DET1: variants seen among roughly 807,000 people sequenced by gnomAD.
DET1 encodes the protein DET1 partner of COP1 E3 ubiquitin ligase, also known as DET1 homolog.
DET1 carries 22 observed loss-of-function variants against 43.7 expected under a neutral mutation model. The observed-to-expected ratio is 0.50, with a 90% confidence interval of 0.36 to 0.72. The LOEUF (loss-of-function observed/expected upper bound fraction) is 0.72. DET1 is among the 30% of genes least tolerant of loss of function. The probability of loss-of-function intolerance (pLI) is 0.00; values close to 1 mark genes in which losing one functional copy is unlikely to be tolerated. For synonymous variants in DET1, 315 were observed against 266.2 expected, an observed-to-expected ratio of 1.18 and a Z score of -1.79; for missense variants, 713 against 713.3, an observed-to-expected ratio of 1.00 and a Z score of 0.00.
chr15:88,506,430 A>ATT (rs35399927), intron 7 of DET1, among the ~76,000 whole-genome samples: 35 of 148,754 alleles, frequency 2.4e-4, no homozygotes, highest in African/African-American at 6.4e-4. Context: ...AGACTTCAGA[A>ATT]TTTTTTTTTT....
chr15:88,522,737 C>G (rs1358498620), intron 3 of DET1, among the ~76,000 whole-genome samples: 1 of 151,694 alleles, frequency 6.6e-6, no homozygotes, highest in Non-Finnish European at 1.5e-5. Context: ...CCAGGATGGT[C>G]TCCATCTCCT....
chr15:88,536,508 A>G (rs1176615336), intron 1 of DET1: 15 of 534,392 alleles, frequency 2.8e-5, no homozygotes. Flanking sequence ...GGCCGGGTGC[A>G]GTGGCTCACG....
intron 3 of DET1, among the ~76,000 whole-genome samples, chr15:88,525,503 C>A (rs78054295): frequency 0.012 from 1,789 of 152,292 alleles, 22 homozygotes; most frequent in Non-Finnish European, 0.02. Flanking sequence ...TAACTTCATT[C>A]ATTCAGCAAA....
chr15:88,531,551 A>T lies in DET1; in HGVS notation c.155T>A (p.Val52Asp), dbSNP rs1464854646. 3 of 1,613,894 alleles carry T rather than the reference A, an allele frequency of 1.9e-6. No individual in the cohort carries two copies. In the African/African-American group the frequency reaches 4.0e-5, roughly 22 times the overall value. ...FHQNVFPNFT[V>D]VNVEKPPCFL... ...ACAAGGAGGCTTTTCAACGTTGACA[A>T]CTGTGAAGTTGGGGAAGACATTCTG... is the stretch of plus-strand genomic sequence containing the variant. The change falls in exon 2 of 5, where the codon GTT (valine) becomes GAT (aspartate). Residue 52 changes from valine to aspartate, a missense_variant. Val to Asp is a radical substitution (Grantham distance 152). Coordinates refer to ENST00000268148, the MANE Select transcript of DET1 (RefSeq NM_001144074.3). The surrounding 1 kb of genome is among the most constrained non-coding windows in gnomAD (Gnocchi z 6.2).
chr15:88,514,588 T>C (rs1039189638), intron 4 of DET1, among the ~76,000 whole-genome samples: 18 of 152,188 alleles, frequency 1.2e-4, no homozygotes, highest in African/African-American at 4.1e-4. Flanking sequence ...GTACATCTAT[T>C]TGATAGAATA....
chr15:88,523,784 C>A lies in DET1; in HGVS notation c.1271+3815G>T, dbSNP rs866014544. Among the ~76,000 whole-genome samples the A allele has an allele frequency of 2.4e-4, 37 of 152,182 alleles. 1 individual carries two copies. Among genetic ancestry groups the A allele is most frequent in the Admixed American group, 2.4e-3 (37 of 15,280 alleles). On this transcript the variant is annotated intron_variant, in intron 3 of 4. Transcript: ENST00000268148. The stretch of plus-strand genomic sequence containing the variant: ...GGAGTGCAGTGGCGTGATCTCCGCT[C>A]GCTACAACCTCCACCTCCCAGCCGC...
chr15:88,527,484 G>C, intron 3 of DET1, 115 bp downstream of exon 3: 1 of 953,856 alleles, frequency 1.0e-6, no homozygotes, highest in Non-Finnish European at 1.5e-6. Context: ...ATAATAAGCA[G>C]AATAACCAAA....
chr15:88,508,004 A>G (rs1191004677), downstream of DET1, among the ~76,000 whole-genome samples: 1 of 152,150 alleles, frequency 6.6e-6, no homozygotes, highest in Non-Finnish European at 1.5e-5. Flanking sequence ...TTAGATTCTC[A>G]TAAGAGCGCA....
At chr15:88,524,199 C>T (rs1052602281) in intron 3 of DET1, among the ~76,000 whole-genome samples, 3 of 151,636 alleles carry the variant, frequency 2.0e-5, no homozygotes, top group Non-Finnish European at 1.5e-5. Context: ...GTGTCTCTGC[C>T]CCACCGCCAG....
chr15:88,544,350 T>A (rs2057190745), intron 1 of DET1, among the ~76,000 whole-genome samples: 1 of 152,214 alleles, frequency 6.6e-6, no homozygotes, highest in South Asian at 2.1e-4. Flanking sequence ...GCACCCTTTA[T>A]CAGGCTAGGT....
chr15:88,506,111 G>A (rs1471555213), intron 7 of DET1, among the ~76,000 whole-genome samples: 1 of 152,224 alleles, frequency 6.6e-6, no homozygotes, highest in Admixed American at 6.5e-5. Flanking sequence ...GATTTACAGA[G>A]AGGGGAGAAG....
At chr15:88,542,723 A>C (rs1410962302) in intron 1 of DET1, among the ~76,000 whole-genome samples, 1 of 152,220 alleles carries the variant, frequency 6.6e-6, no homozygotes, top group Non-Finnish European at 1.5e-5. Context: ...AAATCTTACT[A>C]ATGGCTATCC....
rs2056221527 is a variant in DET1, at chr15:88,512,553, ATG to A, written c.*396_*397del. The A allele has an allele frequency of 3.0e-6, 3 of 997,428 alleles. No individual in the cohort carries two copies. The highest frequency in any genetic ancestry group is 3.6e-6 in the Non-Finnish European group (3 of 837,754). 61.8% of individuals were successfully genotyped at this position (997,428 alleles called of 1,614,324 possible). ...CGTGCTTATGAGCTAAATGGAAAGG[ATG>A]TATGTCATTCTCATCAGTAAACAAG... On this transcript the variant is annotated 3_prime_UTR_variant, in exon 5 of 5. Coordinates refer to ENST00000268148, the MANE Select transcript of DET1 (RefSeq NM_001144074.3).
chr15:88,511,543 A>G, downstream of DET1: 2 of 985,524 alleles, frequency 2.0e-6, no homozygotes, highest in Non-Finnish European at 2.4e-6. Flanking sequence ...CTTCCACAGT[A>G]TATTTTTCTT....
chr15:88,532,301 TC>T (rs2056835921), intron 1 of DET1, among the ~76,000 whole-genome samples: 1 of 151,542 alleles, frequency 6.6e-6, no homozygotes, highest in Non-Finnish European at 1.5e-5. Flanking sequence ...AGACTCTATC[TC>T]AAACAAACAA....
intron 1 of DET1, among the ~76,000 whole-genome samples, chr15:88,540,792 C>A (rs2057086296): frequency 7.2e-6 from 1 of 139,638 alleles, no homozygotes. Context: ...CAGCATGCTC[C>A]TTAAGAGTCA....
intron 3 of DET1, among the ~76,000 whole-genome samples, chr15:88,523,922 C>T (rs1200043529): frequency 6.7e-6 from 1 of 148,216 alleles, no homozygotes; most frequent in Non-Finnish European, 1.5e-5. Flanking sequence ...GTGAGGAGCC[C>T]CTCTGCCCGG....
At chr15:88,544,815 G>T (rs2057205177) in intron 1 of DET1, among the ~76,000 whole-genome samples, 1 of 152,112 alleles carries the variant, frequency 6.6e-6, no homozygotes, top group South Asian at 2.1e-4. Flanking sequence ...TGGAGGGCCG[G>T]TACCTCTAAG....
chr15:88,514,682 AAAT>A (rs2056292654), intron 4 of DET1, among the ~76,000 whole-genome samples: 1 of 152,220 alleles, frequency 6.6e-6, no homozygotes. Context: ...AGACTACAAA[AAAT>A]GATGCTAACC....
Sources: gnomAD v4.1 joint callset for allele counts (sites outside exome capture counted in the v4.1 genomes callset) on GRCh38, gnomAD v4.1.1 for gene constraint, Gnocchi (gnomAD v3.1) non-coding constraint, MANE v1.5 for transcripts, NCBI Gene and HGNC (gene_info 2026-07-23, HGNC 2026-07-21) for gene names.